The following SHROOM4 variants were observed in gnomAD, a reference collection of about 807,000 sequenced individuals.
The protein encoded by SHROOM4 is shroom family member 4, also known as protein Shroom4.
In SHROOM4, 17 loss-of-function variants were observed where a neutral mutation model predicts 80.3. That is an observed-to-expected ratio of 0.21 (90% confidence interval 0.14 to 0.32). The LOEUF (loss-of-function observed/expected upper bound fraction) is 0.32. Ranked by LOEUF, SHROOM4 falls within the 10% of genes least tolerant of loss-of-function variation. The probability of loss-of-function intolerance (pLI) is 1.00; values close to 1 mark genes in which losing one functional copy is unlikely to be tolerated. For missense variants in SHROOM4, 993 were observed against 1,140.3 expected (o/e 0.87, Z 1.86); for synonymous variants, 400 against 437.5 (o/e 0.91, Z 1.07).
At chrX:50,762,272 C>A (rs1935175175) in intron 1 of SHROOM4, among the ~76,000 whole-genome samples, 1 of 112,104 alleles carries the variant, frequency 8.9e-6, no homozygotes, top group Non-Finnish European at 1.9e-5. Context: ...ATTTGAGAGA[C>A]TACCTGATGT....
At chrX:50,602,377 C>T (rs1422865061) in intron 7 of SHROOM4, among the ~76,000 whole-genome samples, 1 of 111,517 alleles carries the variant, frequency 9.0e-6, no homozygotes, top group Non-Finnish European at 1.9e-5. Context: ...CAGGCGGGAG[C>T]CACCGTGCCC....
At chrX:50,745,274 CA>C (rs1318070222) in intron 1 of SHROOM4, among the ~76,000 whole-genome samples, 4 of 111,284 alleles carry the variant, frequency 3.6e-5, no homozygotes, top group Non-Finnish European at 5.6e-5. Context: ...CTGTTTTCAA[CA>C]ATAACTTTAG....
chrX:50,690,622 T>A (rs1396774840), intron 2 of SHROOM4, among the ~76,000 whole-genome samples: 1 of 112,869 alleles, frequency 8.9e-6, no homozygotes, highest in Non-Finnish European at 1.9e-5. Flanking sequence ...GACTTTAAAA[T>A]TTGTTTTTAA....
At chrX:50,710,469 C>T (rs1933785804) in intron 1 of SHROOM4, among the ~76,000 whole-genome samples, 1 of 110,825 alleles carries the variant, frequency 9.0e-6, no homozygotes, top group Non-Finnish European at 1.9e-5. Flanking sequence ...ACAATAGGTA[C>T]TCATGGACAT....
chrX:50,675,829 G>C (rs1932847955), intron 2 of SHROOM4, among the ~76,000 whole-genome samples: 1 of 111,376 alleles, frequency 9.0e-6, no homozygotes, highest in Non-Finnish European at 1.9e-5. Context: ...CACAAAACTA[G>C]TTTAGATTCC....
At chrX:50,704,650 G>A (rs965439223) in intron 1 of SHROOM4, among the ~76,000 whole-genome samples, 1 of 111,930 alleles carries the variant, frequency 8.9e-6, no homozygotes, top group African/African-American at 3.3e-5. Flanking sequence ...AGGACCCAGG[G>A]ACTAAACACC....
intron 1 of SHROOM4, among the ~76,000 whole-genome samples, chrX:50,731,677 G>C (rs1453328739): frequency 8.9e-6 from 1 of 111,832 alleles, no homozygotes; most frequent in African/African-American, 3.3e-5. Context: ...AGCTCCTACA[G>C]TTGTGAAAGT....
intron 1 of SHROOM4, among the ~76,000 whole-genome samples, chrX:50,792,864 A>G (rs1411197602): frequency 9.6e-6 from 1 of 104,435 alleles, no homozygotes; most frequent in Admixed American, 1.1e-4. Flanking sequence ...TAGGAATGTA[A>G]AATGGTGCCA....
chrX:50,693,833 A>G (rs181269762), intron 2 of SHROOM4, among the ~76,000 whole-genome samples: 2 of 110,554 alleles, frequency 1.8e-5, no homozygotes, highest in African/African-American at 6.6e-5. Context: ...TATTCATTCT[A>G]TCTAACTGTA....
At chrX:50,755,041 G>T (rs1447841171) in intron 1 of SHROOM4, among the ~76,000 whole-genome samples, 1 of 112,321 alleles carries the variant, frequency 8.9e-6, no homozygotes, top group African/African-American at 3.2e-5. Context: ...AACAGGCACA[G>T]TGCCTGGCAC....
rs540503430 is a variant in SHROOM4 at position 50,681,281 on chromosome X, T to C, written c.269+14505A>G. Among the ~76,000 whole-genome samples the C allele has an allele frequency of 1.5e-4, 17 of 111,294 alleles. 1 individual carries two copies. The South Asian group carries it at 6.1e-3, about 40-fold the overall frequency. ...TTCTGCTTAGAACTCTCTAACAGCTTCCTTCTGCAAATAGAATACATTTGT... is the reference window on the plus strand; with the variant it reads ...TTCTGCTTAGAACTCTCTAACAGCTCCCTTCTGCAAATAGAATACATTTGT... On this transcript the variant is annotated intron_variant, in intron 2 of 8. Coordinates refer to ENST00000376020, the MANE Select transcript of SHROOM4 (RefSeq NM_020717.5).
chrX:50,618,959 G>A (rs1205558235), intron 5 of SHROOM4, among the ~76,000 whole-genome samples: 3 of 111,541 alleles, frequency 2.7e-5, no homozygotes, highest in South Asian at 7.6e-4. Context: ...AGGCTTTAGC[G>A]CCTCACTGAG....
intron 1 of SHROOM4, among the ~76,000 whole-genome samples, chrX:50,752,809 T>C (rs1369226162): frequency 8.9e-6 from 1 of 112,023 alleles, no homozygotes; most frequent in Non-Finnish European, 1.9e-5. Flanking sequence ...CTCCTTCTTC[T>C]GAGAGGACAT....
At chrX:50,772,879 T>A (rs1935427301) in intron 1 of SHROOM4, among the ~76,000 whole-genome samples, 1 of 112,084 alleles carries the variant, frequency 8.9e-6, no homozygotes, top group South Asian at 3.8e-4. Context: ...TAATGTGCAA[T>A]CTGATCCTTA....
At chrX:50,743,455 T>C (rs1557267393) in intron 1 of SHROOM4, among the ~76,000 whole-genome samples, 1 of 110,783 alleles carries the variant, frequency 9.0e-6, no homozygotes, top group African/African-American at 3.3e-5. Flanking sequence ...AGGATTTCTT[T>C]TTATTTATTT....
At chrX:50,744,904 A>T (rs1285340261) in intron 1 of SHROOM4, among the ~76,000 whole-genome samples, 1 of 111,630 alleles carries the variant, frequency 9.0e-6, no homozygotes. Context: ...GCTTTCTAGG[A>T]GTCATCTTAT....
intron 4 of SHROOM4, among the ~76,000 whole-genome samples, chrX:50,631,220 G>C (rs1557254075): frequency 9.0e-6 from 1 of 111,315 alleles, no homozygotes; most frequent in African/African-American, 3.3e-5. Context: ...TCCTGGCAAT[G>C]CTAGGCTTCT....
At chrX:50,746,938 T>C (rs1217416777) in intron 1 of SHROOM4, among the ~76,000 whole-genome samples, 3 of 112,368 alleles carry the variant, frequency 2.7e-5, no homozygotes, top group African/African-American at 9.7e-5. Flanking sequence ...CAATGATTTA[T>C]TGCTTGCCTA....
intron 1 of SHROOM4, among the ~76,000 whole-genome samples, chrX:50,747,892 T>A (rs782719616): frequency 7.1e-5 from 8 of 111,948 alleles, no homozygotes; most frequent in Non-Finnish European, 9.4e-5. Context: ...ACAGACAGTA[T>A]CTCATGAATC....
Sources: gnomAD v4.1 joint callset for allele counts (sites outside exome capture counted in the v4.1 genomes callset) on GRCh38, gnomAD v4.1.1 for gene constraint, MANE v1.5 for transcripts, NCBI Gene and HGNC (gene_info 2026-07-23, HGNC 2026-07-21) for gene names.